The following RNF180 variants were observed in gnomAD, a reference collection of about 807,000 sequenced individuals.
The protein encoded by RNF180 is E3 ubiquitin-protein ligase RNF180.
Under a neutral mutation model 59.2 loss-of-function variants are expected in RNF180, and 38 were observed. The ratio of observed to expected loss-of-function variants is 0.64; its 90% CI spans 0.50 to 0.84. The LOEUF (loss-of-function observed/expected upper bound fraction) is 0.84. Among genes scored for constraint, RNF180 ranks in the 40% least tolerant of loss-of-function variants. The probability of loss-of-function intolerance (pLI) is 0.00; values close to 1 mark genes in which losing one functional copy is unlikely to be tolerated. For synonymous variants in RNF180, 262 were observed against 240.3 expected (o/e 1.09, Z -0.84); for missense variants, 705 against 700.9 (o/e 1.01, Z -0.07).
chr5:64,330,459 T>A (rs1744852236), intron 7 of RNF180, 53 bp downstream of exon 7: 1 of 1,468,766 alleles, frequency 6.8e-7, no homozygotes, highest in Admixed American at 2.7e-5. Flanking sequence ...CTAAGGTCTG[T>A]TCTTAAAAGT....
At chr5:64,332,681 C>T (rs527893241) in intron 7 of RNF180, among the ~76,000 whole-genome samples, 1 of 152,298 alleles carries the variant, frequency 6.6e-6, no homozygotes, top group Admixed American at 6.5e-5. Context: ...ACTATATGAA[C>T]ATACAATATG....
intron 2 of RNF180, among the ~76,000 whole-genome samples, chr5:64,202,219 G>C: frequency 6.6e-6 from 1 of 152,108 alleles, no homozygotes; most frequent in East Asian, 1.9e-4. Flanking sequence ...AGGTTTGCTT[G>C]TTCTTTACAT....
chr5:64,287,898 A>C (rs1742370245), intron 5 of RNF180, among the ~76,000 whole-genome samples: 1 of 152,122 alleles, frequency 6.6e-6, no homozygotes, highest in Non-Finnish European at 1.5e-5. Context: ...GAAGCTCCTT[A>C]GTTTAATTAA....
chr5:64,257,305 C>T (rs1444049761), intron 5 of RNF180, among the ~76,000 whole-genome samples: 3 of 152,244 alleles, frequency 2.0e-5, no homozygotes, highest in African/African-American at 7.2e-5. Context: ...ATGCTTCCAG[C>T]TTTTGCCCAT....
Position 64,259,396 on chromosome 5 carries a change from G to A in RNF180, c.1227+42000G>A, listed in dbSNP as rs566277110. Among the ~76,000 whole-genome samples the A allele has an allele frequency of 2.6e-5, 4 of 152,200 alleles. No homozygotes were observed. In the East Asian group the frequency reaches 7.8e-4, roughly 30 times the overall value. ...AGTGTCTAGAGAAGCAGAATACTCT[G>A]CTCTAAGCCTGTTCTGATTTAGAGA... On this transcript the variant is annotated intron_variant, in intron 5 of 7. Transcript: ENST00000389100.
chr5:64,253,478 C>G (rs946753148), intron 5 of RNF180, among the ~76,000 whole-genome samples: 1 of 151,942 alleles, frequency 6.6e-6, no homozygotes, highest in African/African-American at 2.4e-5. Context: ...ACAGGTTTCC[C>G]GTTTTGGAGA....
At chr5:64,242,380 G>T (rs1486138953) in intron 5 of RNF180, among the ~76,000 whole-genome samples, 1 of 152,158 alleles carries the variant, frequency 6.6e-6, no homozygotes, top group African/African-American at 2.4e-5. Context: ...GACAACATAA[G>T]GTGTCAGTGA....
At chr5:64,204,179 T>C (rs1026941723) in intron 2 of RNF180, among the ~76,000 whole-genome samples, 1 of 152,194 alleles carries the variant, frequency 6.6e-6, no homozygotes, top group African/African-American at 2.4e-5. Context: ...CTCTGGTCCT[T>C]AGGATCTCTA....
Position 64,311,196 on chromosome 5 carries a change from G to C in RNF180, c.1228-13990G>C, listed in dbSNP as rs560853548. On this transcript the variant is annotated intron_variant, in intron 5 of 7. Transcript: ENST00000389100. Reference sequence around the variant, plus strand: ...GACACCCCATCTCTACCAAACAAAAGAAAATAAATTACAGTTACTTTGATC... The same window carrying C: ...GACACCCCATCTCTACCAAACAAAACAAAATAAATTACAGTTACTTTGATC... Among the ~76,000 whole-genome samples, 40 of 151,936 alleles carry C rather than the reference G, an allele frequency of 2.6e-4. No homozygotes were observed. The South Asian group carries it at 7.9e-3, about 30-fold the overall frequency.
intron 4 of RNF180, among the ~76,000 whole-genome samples, 196 bp downstream of exon 4, chr5:64,214,713 T>G (rs1233134524): frequency 1.3e-5 from 2 of 152,188 alleles, no homozygotes; most frequent in Non-Finnish European, 2.9e-5. Flanking sequence ...CTATGCTTCA[T>G]GCATGTTTAG....
intron 1 of RNF180, among the ~76,000 whole-genome samples, chr5:64,180,094 A>C (rs1220874502): frequency 6.6e-6 from 1 of 152,278 alleles, no homozygotes; most frequent in African/African-American, 2.4e-5. Context: ...TCTTTTAAAA[A>C]ATTTGTTTTG....
Position 64,322,602 on chromosome 5 carries a change from C to CGTGTGTGTGTGTGTGT in RNF180, c.1228-2563_1228-2548dup, listed in dbSNP as rs76117470. On this transcript the variant is annotated intron_variant, in intron 5 of 7. Coordinates refer to ENST00000389100, the MANE Select transcript of RNF180 (RefSeq NM_001113561.2). ...ATATATATAACGGAATATATATATA[C>CGTGTGTGTGTGTGTGT]GTGTGTGTGTGTGTGTGTGTGTGTG... Among the ~76,000 whole-genome samples the CGTGTGTGTGTGTGTGT allele has an allele frequency of 1.2e-3, 173 of 143,496 alleles. 2 individuals are homozygous for CGTGTGTGTGTGTGTGT. The highest frequency in any genetic ancestry group is 8.4e-3 in the East Asian group (40 of 4,776). 94.1% of individuals were successfully genotyped at this position (143,496 alleles called of 152,430 possible).
chr5:64,320,089 T>G (rs13185478), intron 5 of RNF180, among the ~76,000 whole-genome samples: 1 of 152,184 alleles, frequency 6.6e-6, no homozygotes, highest in Admixed American at 6.5e-5. Flanking sequence ...AAGCAGAAAC[T>G]CTAGGGATGG....
rs1394980901 is a variant in RNF180 at position 64,372,475 on chromosome 5, G to A, written c.*2661G>A. On this transcript the variant is annotated 3_prime_UTR_variant, in exon 8 of 8. Coordinates refer to ENST00000389100, the MANE Select transcript of RNF180 (RefSeq NM_001113561.2). ...AAATATGAAAGCAGTGCTGCCATCA[G>A]TTTCACTTCTGCCTTGGAATCTTGC... 1 of 151,904 alleles carries A rather than the reference G, an allele frequency of 6.6e-6. No individual in the cohort carries two copies. The highest frequency in any genetic ancestry group is 1.5e-5 in the Non-Finnish European group (1 of 67,904). The allele number at this position is 151,904 out of a possible 1,614,324, so 9.4% of individuals were successfully genotyped here. A position where few individuals can be genotyped will look rare whatever the true frequency, so the allele number is the denominator to read the frequency against.
At chr5:64,188,001 A>T (rs2111984368) in intron 1 of RNF180, among the ~76,000 whole-genome samples, 1 of 152,120 alleles carries the variant, frequency 6.6e-6, no homozygotes, top group Middle Eastern at 3.4e-3. Context: ...GCCTGCTTGG[A>T]TTTGGACTCC....
chr5:64,309,898 G>A (rs1463177432), intron 5 of RNF180, among the ~76,000 whole-genome samples: 4 of 151,454 alleles, frequency 2.6e-5, no homozygotes, highest in Admixed American at 6.6e-5. Context: ...ATCTTTTGGC[G>A]AAAATGTCGT....
chr5:64,188,252 CA>C (rs1431542951), intron 1 of RNF180, among the ~76,000 whole-genome samples: 1 of 152,124 alleles, frequency 6.6e-6, no homozygotes. Context: ...ATTTCCCTTA[CA>C]TTAAGGACAT....
At chr5:64,320,252 G>A (rs1352497342) in intron 5 of RNF180, among the ~76,000 whole-genome samples, 4 of 152,106 alleles carry the variant, frequency 2.6e-5, no homozygotes, top group African/African-American at 9.7e-5. Flanking sequence ...GTAAAGAAAA[G>A]CTAGCTTTGA....
chr5:64,276,673 A>T (rs1240130368), intron 5 of RNF180, among the ~76,000 whole-genome samples: 5 of 152,004 alleles, frequency 3.3e-5, no homozygotes, highest in African/African-American at 1.2e-4. Context: ...GAAACTAAGA[A>T]CTTTGATTTA....
Sources: allele counts gnomAD v4.1 joint callset (sites outside exome capture counted in the v4.1 genomes callset), GRCh38; gene constraint gnomAD v4.1.1; transcripts MANE v1.5; gene names NCBI Gene and HGNC (gene_info 2026-07-23, HGNC 2026-07-21).